ANK1: variants seen among roughly 807,000 people sequenced by gnomAD.
ANK1 encodes the protein ankyrin 1, also known as ankyrin-1.
ANK1 carries 51 observed loss-of-function variants against 210.4 expected under a neutral mutation model. That is an observed-to-expected ratio of 0.24 (90% CI 0.19 to 0.31). The LOEUF is 0.31. ANK1 is among the 10% of genes least tolerant of loss of function. The probability of loss-of-function intolerance (pLI) is 1.00; values close to 1 mark genes in which losing one functional copy is unlikely to be tolerated. For missense variants in ANK1, 2,051 were observed against 2,504.4 expected (o/e 0.82, Z 3.86); for synonymous variants, 967 against 1,025.9 (o/e 0.94, Z 1.10).
intron 2 of ANK1, among the ~76,000 whole-genome samples, chr8:41,735,748 A>G (rs954059111): frequency 1.3e-5 from 2 of 152,206 alleles, no homozygotes; most frequent in Non-Finnish European, 2.9e-5. Context: ...CTAGCAGAGG[A>G]AAGTCACCCA....
At chr8:41,777,056 G>A (rs1844217852) in intron 1 of ANK1, among the ~76,000 whole-genome samples, 1 of 152,158 alleles carries the variant, frequency 6.6e-6, no homozygotes, top group Non-Finnish European at 1.5e-5. Flanking sequence ...TTTTCATACA[G>A]TATTTATATC....
chr8:41,712,978 A>G (rs1169198802), intron 16 of ANK1, among the ~76,000 whole-genome samples: 1 of 152,142 alleles, frequency 6.6e-6, no homozygotes, highest in Non-Finnish European at 1.5e-5. Flanking sequence ...CAGGGACAGG[A>G]GGAGACAGCT....
chr8:41,726,097 A>G, intron 5 of ANK1, 151 bp from the exon 6 acceptor site: 1 of 868,492 alleles, frequency 1.2e-6, no homozygotes, highest in Non-Finnish European at 1.8e-6. Context: ...CGCCAAGTTT[A>G]GCCTAAATGC....
At chr8:41,824,467 A>G (rs191401792) in intron 1 of ANK1, among the ~76,000 whole-genome samples, 8 of 152,266 alleles carry the variant, frequency 5.3e-5, no homozygotes, top group African/African-American at 9.6e-5. Flanking sequence ...TTGCAAATTC[A>G]TTTTAAGACT....
Position 41,714,216 on chromosome 8 carries a change from G to T in ANK1, c.1740C>A (p.Asn580Lys). The part of the protein sequence containing the change: ...LTPLHVAVHH[N>K]NLDIVKLLLP... Reference sequence around the variant, plus strand: ...GCAGCAGCTTGACGATGTCCAGGTTGTTGTGATGGACGGCCACGTGCAGGG... The same window carrying T: ...GCAGCAGCTTGACGATGTCCAGGTTTTTGTGATGGACGGCCACGTGCAGGG... The change falls in exon 16 of 43, where the codon AAC (asparagine) becomes AAA (lysine). Residue 580 changes from asparagine (N) to lysine (K), a missense_variant. By Grantham distance (94) the Asn-to-Lys change is moderately conservative. Around this residue, in one of 6 missense-constraint regions of ANK1, gnomAD observed 1,413 missense variants for 1,707.4 expected, o/e 0.83. Coordinates refer to ENST00000289734, the MANE Select transcript of ANK1 (RefSeq NM_000037.4). 2 of 1,533,614 alleles carry T rather than the reference G, an allele frequency of 1.3e-6. No homozygotes were observed. Among genetic ancestry groups the T allele is most frequent in the Non-Finnish European group, 1.8e-6 (2 of 1,130,326 alleles).
At chr8:41,727,387 A>C (rs779855319) in intron 4 of ANK1, 39 bp from the exon 5 acceptor site, 1 of 1,477,688 alleles carries the variant, frequency 6.8e-7, no homozygotes, top group South Asian at 1.1e-5. Context: ...ATCCACCCGC[A>C]ATTTAAGAAA....
chr8:41,785,660 C>T (rs1225615667), intron 1 of ANK1, among the ~76,000 whole-genome samples: 2 of 152,198 alleles, frequency 1.3e-5, no homozygotes, highest in Non-Finnish European at 1.5e-5. Context: ...CCACTGCTGC[C>T]CCTGCTCGCT....
chr8:41,727,912 G>A lies in ANK1; in HGVS notation c.323C>T (p.Ser108Leu). 1 of 1,614,176 alleles carries A rather than the reference G, an allele frequency of 6.2e-7. No individual in the cohort carries two copies. Among genetic ancestry groups the A allele is most frequent in the Non-Finnish European group, 8.5e-7 (1 of 1,180,008 alleles). Residue 108 changes from serine (S) to leucine (L), a missense_variant, in exon 4 of 43, where the codon TCA (serine) becomes TTA (leucine). Transcript: ENST00000289734. ...VNYGANVNAQ[S>L]QKGFTPLYMA... Reference sequence around the variant, plus strand: ...TCCAGACCAGAGAGCCATTACCTGTGACTGGGCGTTGACGTTGGCTCCATA... The same window carrying A: ...TCCAGACCAGAGAGCCATTACCTGTAACTGGGCGTTGACGTTGGCTCCATA...
At chr8:41,772,884 A>C (rs951849286) in intron 1 of ANK1, among the ~76,000 whole-genome samples, 2 of 152,058 alleles carry the variant, frequency 1.3e-5, no homozygotes, top group African/African-American at 2.4e-5. Context: ...TCCACCCTTT[A>C]CCGAGAAAGG....
intron 17 of ANK1, among the ~76,000 whole-genome samples, chr8:41,708,019 G>A (rs1825128081): frequency 6.6e-6 from 1 of 152,254 alleles, no homozygotes; most frequent in African/African-American, 2.4e-5. Context: ...CGGGGGCTCT[G>A]GGGGAAATGA....
intron 38 of ANK1, among the ~76,000 whole-genome samples, chr8:41,670,431 C>T (rs1011378770): frequency 1.3e-5 from 2 of 152,072 alleles, no homozygotes; most frequent in African/African-American, 4.8e-5. Context: ...AATGCAGGGG[C>T]CAGCATGCAG....
intron 13 of ANK1, among the ~76,000 whole-genome samples, chr8:41,716,338 G>C (rs1827664890): frequency 6.6e-6 from 1 of 151,964 alleles, no homozygotes; most frequent in Non-Finnish European, 1.5e-5. Context: ...AGAGAATGAG[G>C]ACTTTTCCAC....
intron 1 of ANK1, among the ~76,000 whole-genome samples, chr8:41,817,075 C>A (rs1205381870): frequency 1.3e-5 from 2 of 151,972 alleles, no homozygotes; most frequent in East Asian, 3.9e-4. Context: ...TTGTCATTTG[C>A]CAGTTTCCAA....
rs542142311 is a variant in ANK1, at chr8:41,669,801, T to C, written c.5097-1237A>G. Among the ~76,000 whole-genome samples, 13 of 152,330 alleles carry C rather than the reference T, an allele frequency of 8.5e-5. No individual in the cohort carries two copies. The East Asian group carries it at 2.5e-3, about 29-fold the overall frequency. Reference sequence around the variant, plus strand: ...CCTTTCCTCCCGACACACCTCCTGCTTCTCTGCCAGGTTGCGCCAGCCTCC... The same window carrying C: ...CCTTTCCTCCCGACACACCTCCTGCCTCTCTGCCAGGTTGCGCCAGCCTCC... On this transcript the variant is annotated intron_variant, in intron 38 of 42. Coordinates refer to ENST00000289734, the MANE Select transcript of ANK1 (RefSeq NM_000037.4).
chr8:41,711,946 A>G (rs1005775597), intron 16 of ANK1, among the ~76,000 whole-genome samples: 2 of 150,402 alleles, frequency 1.3e-5, no homozygotes, highest in East Asian at 2.0e-4. Flanking sequence ...TTTTTTTTAG[A>G]CAGAGTCTCG....
intron 1 of ANK1, among the ~76,000 whole-genome samples, chr8:41,785,971 C>A (rs1846281365): frequency 1.3e-5 from 2 of 152,240 alleles, no homozygotes; most frequent in Non-Finnish European, 2.9e-5. Flanking sequence ...TCCCGCGTCT[C>A]TTCTCCCTGT....
At chr8:41,774,274 T>C (rs922165329) in intron 1 of ANK1, among the ~76,000 whole-genome samples, 3 of 152,228 alleles carry the variant, frequency 2.0e-5, no homozygotes, top group Non-Finnish European at 4.4e-5. Context: ...CCACCAGTCA[T>C]GCTGAAAACA....
chr8:41,792,889 G>T (rs1216021137), intron 1 of ANK1, among the ~76,000 whole-genome samples: 1 of 152,216 alleles, frequency 6.6e-6, no homozygotes, highest in Non-Finnish European at 1.5e-5. Context: ...GTTCATTCAT[G>T]AATGCAACCA....
chr8:41,830,714 T>C (rs1341635738), intron 1 of ANK1, among the ~76,000 whole-genome samples: 1 of 152,166 alleles, frequency 6.6e-6, no homozygotes, highest in Non-Finnish European at 1.5e-5. Flanking sequence ...AAACAGCTCC[T>C]ACCTACCCAG....
Sources: allele counts gnomAD v4.1 joint callset (sites outside exome capture counted in the v4.1 genomes callset), GRCh38; gene constraint gnomAD v4.1.1; regional missense constraint gnomAD v4.1.1; transcripts MANE v1.5; gene names NCBI Gene and HGNC (gene_info 2026-07-23, HGNC 2026-07-21).